ROBO1: variants seen among roughly 807,000 people sequenced by gnomAD.
ROBO1 encodes the protein roundabout guidance receptor 1, also known as roundabout homolog 1.
ROBO1 carries 149 observed loss-of-function variants against 195.9 expected under a neutral mutation model. The observed-to-expected ratio is 0.76, with a 90% CI of 0.67 to 0.87. ROBO1 has a LOEUF of 0.87. Among genes scored for constraint, ROBO1 ranks in the 40% least tolerant of loss-of-function variants. The pLI, the probability that ROBO1 is intolerant of heterozygous loss-of-function variation, is 0.00. For missense variants in ROBO1, 1,933 were observed against 2,068.3 expected, an observed-to-expected ratio of 0.93 and a Z score of 1.27; for synonymous variants, 816 against 733.2, an observed-to-expected ratio of 1.11 and a Z score of -1.82.
Position 78,685,785 on chromosome 3 carries a change from C to T in ROBO1, c.1303G>A (p.Gly435Arg). 4.3e-6 allele frequency: 7 copies of T among 1,611,114 alleles called. No individual in the cohort carries two copies. Among genetic ancestry groups the T allele is most frequent in the Non-Finnish European group, 5.9e-6 (7 of 1,178,022 alleles). Residue 435 changes from glycine (G) to arginine (R), a missense_variant, in exon 10 of 31, where the codon GGA becomes AGA. Physicochemically the swap from Gly to Arg is moderately radical, Grantham distance 125 (BLOSUM62 -2). Transcript: ENST00000464233. ...YYICQTLNVA[G>R]SIITKAYLEV... Reference sequence around the variant, plus strand: ...AAATATGCCTTTGTGATGATGCTTCCAGCAACATTTAAAGTCTGGCAGATG... The same window carrying T: ...AAATATGCCTTTGTGATGATGCTTCTAGCAACATTTAAAGTCTGGCAGATG...
At chr3:78,620,548 C>G (rs1200516749) in intron 26 of ROBO1, among the ~76,000 whole-genome samples, 1 of 151,932 alleles carries the variant, frequency 6.6e-6, no homozygotes, top group Non-Finnish European at 1.5e-5. Context: ...GCTTTTTATC[C>G]CAATGAATTT....
chr3:79,174,018 C>T (rs1346105689), intron 2 of ROBO1, among the ~76,000 whole-genome samples: 1 of 152,018 alleles, frequency 6.6e-6, no homozygotes, highest in Non-Finnish European at 1.5e-5. Context: ...AGTGCCCTGT[C>T]AAAACAGACC....
At chr3:79,689,870 A>C (rs1947248238) in intron 1 of ROBO1, among the ~76,000 whole-genome samples, 1 of 151,996 alleles carries the variant, frequency 6.6e-6, no homozygotes, top group African/African-American at 2.4e-5. Context: ...TTTCAAAATA[A>C]AATTTCAAAC....
intron 2 of ROBO1, among the ~76,000 whole-genome samples, chr3:79,556,847 G>A (rs1942718047): frequency 1.3e-5 from 2 of 151,522 alleles, no homozygotes; most frequent in African/African-American, 4.8e-5. Flanking sequence ...TTGCTCTATA[G>A]AGGTAACATT....
At chr3:79,507,306 T>A (rs1460824584) in intron 2 of ROBO1, among the ~76,000 whole-genome samples, 2 of 152,180 alleles carry the variant, frequency 1.3e-5, no homozygotes, top group African/African-American at 4.8e-5. Context: ...AACAACTCTA[T>A]GTGAGTCCCC....
chr3:78,627,448 GAGA>G lies in ROBO1; in HGVS notation c.3745_3747del (p.Ser1249del). 3.1e-6 allele frequency: 5 copies of G among 1,613,102 alleles called. No homozygotes were observed. The highest frequency in any genetic ancestry group is 4.2e-6 in the Non-Finnish European group (5 of 1,179,580). On this transcript the variant is annotated inframe_deletion, in exon 26 of 31. Coordinates refer to ENST00000464233, the MANE Select transcript of ROBO1 (RefSeq NM_002941.4). ...TGATGGCTATAGGACACGGCAGCTG[GAGA>G]AGAAGCTGCTCCCCGAACAGGGGGA...
chr3:78,883,933 TGGG>T (rs2036340887), intron 4 of ROBO1, among the ~76,000 whole-genome samples: 1 of 152,034 alleles, frequency 6.6e-6, no homozygotes, highest in African/African-American at 2.4e-5. Flanking sequence ...AAAGCTAGGA[TGGG>T]GGATTATGCT....
At chr3:79,581,776 CAT>C (rs1943669913) in intron 2 of ROBO1, among the ~76,000 whole-genome samples, 1 of 151,860 alleles carries the variant, frequency 6.6e-6, no homozygotes, top group Non-Finnish European at 1.5e-5. Context: ...GCTCAAGAAA[CAT>C]ATAGAATGAA....
At chr3:78,781,272 C>CA (rs1444219872) in intron 4 of ROBO1, among the ~76,000 whole-genome samples, 1 of 152,148 alleles carries the variant, frequency 6.6e-6, no homozygotes, top group Admixed American at 6.6e-5. Context: ...AATTTTCTCT[C>CA]AAATTAGTCA....
At chr3:79,607,925 G>A (rs538927369) in intron 1 of ROBO1, among the ~76,000 whole-genome samples, 1 of 152,124 alleles carries the variant, frequency 6.6e-6, no homozygotes, top group East Asian at 1.9e-4. Flanking sequence ...AGAAATGGCT[G>A]TGTAACAAAA....
At chr3:79,740,258 A>T (rs9309831) in intron 1 of ROBO1, among the ~76,000 whole-genome samples, 85,767 of 142,660 alleles carry the variant, frequency 0.6, 25,357 homozygotes, top group Middle Eastern at 0.71. Context: ...TATATACTGA[A>T]CTGCATACTC....
At chr3:78,770,908 T>C (rs963736271) in intron 4 of ROBO1, among the ~76,000 whole-genome samples, 1 of 151,636 alleles carries the variant, frequency 6.6e-6, no homozygotes, top group Admixed American at 6.6e-5. Context: ...CTATAAATAA[T>C]AATAAAAAAA....
intron 5 of ROBO1, among the ~76,000 whole-genome samples, chr3:78,729,851 A>C (rs1468148921): frequency 6.6e-6 from 1 of 152,254 alleles, no homozygotes; most frequent in Non-Finnish European, 1.5e-5. Context: ...AAATTGATTT[A>C]GCTTATAGCT....
intron 2 of ROBO1, among the ~76,000 whole-genome samples, chr3:79,571,144 A>G (rs1244080096): frequency 6.6e-6 from 1 of 152,156 alleles, no homozygotes; most frequent in Non-Finnish European, 1.5e-5. Flanking sequence ...ATTGATCATC[A>G]GCATGTACAG....
In ROBO1 at chr3:78,934,582, A is replaced by G. The variant is rs547761449; in HGVS notation, c.499+4019T>C. ...TGTATTTTCACATACATATATTTATATATGGCTTTTCTGCCCTCACCAAAG... is the reference window on the plus strand; with the variant it reads ...TGTATTTTCACATACATATATTTATGTATGGCTTTTCTGCCCTCACCAAAG... On this transcript the variant is annotated intron_variant, in intron 4 of 30. Coordinates refer to ENST00000464233, the MANE Select transcript of ROBO1 (RefSeq NM_002941.4). Among the ~76,000 whole-genome samples the G allele has an allele frequency of 2.0e-4, 30 of 152,082 alleles. No homozygotes were observed. In the South Asian group the frequency reaches 3.3e-3, roughly 17 times the overall value.
At chr3:78,755,473 C>CA (rs1559820472) in intron 4 of ROBO1, among the ~76,000 whole-genome samples, 1 of 151,532 alleles carries the variant, frequency 6.6e-6, no homozygotes, top group Non-Finnish European at 1.5e-5. Context: ...GACCCTGTTT[C>CA]AAAAAAATAA....
At chr3:79,530,498 AGGT>A (rs1403116779) in intron 2 of ROBO1, among the ~76,000 whole-genome samples, 14 of 152,300 alleles carry the variant, frequency 9.2e-5, no homozygotes, top group African/African-American at 3.4e-4. Flanking sequence ...CCTGTAATAC[AGGT>A]AGATTCCTTT....
At chr3:79,688,275 G>T (rs545404293) in intron 1 of ROBO1, among the ~76,000 whole-genome samples, 1 of 150,830 alleles carries the variant, frequency 6.6e-6, no homozygotes, top group African/African-American at 2.4e-5. Context: ...TGTAAATGAC[G>T]AGTTAATGGG....
In ROBO1 at chr3:78,598,850, T is replaced by C; in HGVS notation, c.*63A>G. The C allele has an allele frequency of 1.7e-6, 2 of 1,145,792 alleles. No homozygotes were observed. Among genetic ancestry groups the C allele is most frequent in the Middle Eastern group, 2.3e-4 (1 of 4,384 alleles). The allele number at this position is 1,145,792 out of a possible 1,614,324, so 71.0% of individuals were successfully genotyped here. The stretch of plus-strand genomic sequence containing the variant: ...ACATTTTATCTGGCGTCATGTGTCA[T>C]CTGACAGGAGGCATCTTGAGTGATG... On this transcript the variant is annotated 3_prime_UTR_variant, in exon 31 of 31. Transcript: ENST00000464233.
Sources: allele counts gnomAD v4.1 joint callset (sites outside exome capture counted in the v4.1 genomes callset), GRCh38; gene constraint gnomAD v4.1.1; transcripts MANE v1.5; gene names NCBI Gene and HGNC (gene_info 2026-07-23, HGNC 2026-07-21).